Variants in MEI4 observed in about 807,000 individuals in gnomAD.
MEI4 encodes the protein meiosis-specific protein MEI4.
MEI4 carries 27 observed loss-of-function variants against 31.4 expected under a neutral mutation model. The observed-to-expected ratio is 0.86, with a 90% CI of 0.63 to 1.19. The LOEUF (loss-of-function observed/expected upper bound fraction) is 1.19, where lower values mean the gene tolerates loss of function less well. Among genes scored for constraint, MEI4 ranks in the 50% most tolerant of loss-of-function variants. The probability of loss-of-function intolerance (pLI) is 0.00; values close to 1 mark genes in which losing one functional copy is unlikely to be tolerated. For synonymous variants in MEI4, 122 were observed against 145.4 expected, an observed-to-expected ratio of 0.84 and a Z score of 1.16; for missense variants, 329 against 398.9, an observed-to-expected ratio of 0.82 and a Z score of 1.49.
At chr6:77,657,841 C>T (rs1008706888) in intron 1 of MEI4, among the ~76,000 whole-genome samples, 2 of 152,240 alleles carry the variant, frequency 1.3e-5, no homozygotes, top group African/African-American at 2.4e-5. Flanking sequence ...GCTTTTGCCT[C>T]TCTGAGTTCC....
chr6:77,880,216 G>A (rs1382976503), intron 4 of MEI4, among the ~76,000 whole-genome samples: 1 of 148,154 alleles, frequency 6.7e-6, no homozygotes, highest in African/African-American at 2.5e-5. Flanking sequence ...ATGTATTATT[G>A]TGGGGTTTTT....
At chr6:77,891,589 AT>A (rs1771769910) in intron 4 of MEI4, among the ~76,000 whole-genome samples, 1 of 151,538 alleles carries the variant, frequency 6.6e-6, no homozygotes, top group Non-Finnish European at 1.5e-5. Context: ...CAATATTATT[AT>A]TTTGAATTTT....
chr6:77,796,519 GACTGCAAAAT>G (rs1769080260), intron 3 of MEI4, among the ~76,000 whole-genome samples: 2 of 152,212 alleles, frequency 1.3e-5, no homozygotes, highest in East Asian at 3.9e-4. Flanking sequence ...TAAAGTTGCA[GACTGCAAAAT>G]AAACATTTAA....
chr6:77,705,284 T>A (rs1766307964), intron 2 of MEI4, among the ~76,000 whole-genome samples: 2 of 152,144 alleles, frequency 1.3e-5, no homozygotes, highest in South Asian at 4.2e-4. Context: ...GTAGAAAACC[T>A]TAAATTCTAA....
chr6:77,734,856 C>A (rs994414129), intron 2 of MEI4, among the ~76,000 whole-genome samples: 1 of 151,684 alleles, frequency 6.6e-6, no homozygotes, highest in Non-Finnish European at 1.5e-5. Flanking sequence ...TCAGCATTTG[C>A]TTGTCTGTAA....
intron 4 of MEI4, among the ~76,000 whole-genome samples, chr6:77,867,245 G>C (rs1771056934): frequency 6.6e-6 from 1 of 152,318 alleles, no homozygotes; most frequent in East Asian, 1.9e-4. Flanking sequence ...AAACTAAAGA[G>C]CTTCTGCATA....
intron 3 of MEI4, among the ~76,000 whole-genome samples, chr6:77,799,819 T>C (rs1769196049): frequency 6.6e-6 from 1 of 152,180 alleles, no homozygotes; most frequent in South Asian, 2.1e-4. Context: ...TGCAGTGTTA[T>C]TTCTGAGGGC....
chr6:77,685,128 C>G (rs547464544), intron 1 of MEI4, among the ~76,000 whole-genome samples: 4 of 152,254 alleles, frequency 2.6e-5, no homozygotes, highest in African/African-American at 9.6e-5. Context: ...TTTCATATGT[C>G]TGTTTGCCAT....
intron 1 of MEI4, among the ~76,000 whole-genome samples, chr6:77,687,857 G>C (rs565569732): frequency 1.3e-5 from 2 of 152,182 alleles, no homozygotes; most frequent in African/African-American, 4.8e-5. Flanking sequence ...GAATCCCATT[G>C]ATTGGGGGTT....
At chr6:77,865,664 G>C (rs139699267) in intron 4 of MEI4, among the ~76,000 whole-genome samples, 1 of 152,138 alleles carries the variant, frequency 6.6e-6, no homozygotes, top group Admixed American at 6.6e-5. Context: ...GGAGGAGCTG[G>C]TACCATTCCT....
chr6:77,736,798 C>T (rs1767250844), intron 2 of MEI4, among the ~76,000 whole-genome samples: 1 of 151,976 alleles, frequency 6.6e-6, no homozygotes, highest in Non-Finnish European at 1.5e-5. Flanking sequence ...CCCTGTAGTC[C>T]AGAGAAAGAT....
At chr6:77,677,313 G>T (rs1768862625) in intron 1 of MEI4, among the ~76,000 whole-genome samples, 1 of 152,000 alleles carries the variant, frequency 6.6e-6, no homozygotes, top group Non-Finnish European at 1.5e-5. Context: ...TTTCCCAATG[G>T]CCTACCACAG....
At chr6:77,789,158 G>T (rs1382860685) in intron 3 of MEI4, among the ~76,000 whole-genome samples, 1 of 152,152 alleles carries the variant, frequency 6.6e-6, no homozygotes, top group Non-Finnish European at 1.5e-5. Context: ...ATGGGGAAAG[G>T]ATTCCCTATT....
intron 1 of MEI4, among the ~76,000 whole-genome samples, chr6:77,679,397 TTA>T (rs1768909101): frequency 6.9e-6 from 1 of 145,692 alleles, no homozygotes; most frequent in Non-Finnish European, 1.5e-5. Flanking sequence ...ACACAAATAT[TTA>T]TGATTGTGTT....
chr6:77,710,538 A>G (rs1766438727), intron 2 of MEI4, among the ~76,000 whole-genome samples: 1 of 149,394 alleles, frequency 6.7e-6, no homozygotes, highest in African/African-American at 2.5e-5. Flanking sequence ...AAAAAAAAAA[A>G]AAAAGAAAAG....
chr6:77,792,461 A>G (rs1032010756), intron 3 of MEI4, among the ~76,000 whole-genome samples: 8 of 152,076 alleles, frequency 5.3e-5, no homozygotes, highest in African/African-American at 1.9e-4. Flanking sequence ...AATTCTTGCC[A>G]GTACTTGTTT....
chr6:77,716,265 T>G (rs71563056), intron 2 of MEI4, among the ~76,000 whole-genome samples: 14,030 of 152,244 alleles, frequency 0.092, 941 homozygotes, highest in East Asian at 0.31. Flanking sequence ...GAGAAGCATT[T>G]AAATTAAAAT....
intron 2 of MEI4, among the ~76,000 whole-genome samples, chr6:77,700,737 C>G (rs1451277865): frequency 2.0e-5 from 3 of 152,208 alleles, no homozygotes; most frequent in Non-Finnish European, 4.4e-5. Context: ...ATCTTGGCTC[C>G]ACCCTGATAT....
chr6:77,746,102 G>T (rs1265868153), intron 2 of MEI4, among the ~76,000 whole-genome samples: 2 of 152,060 alleles, frequency 1.3e-5, no homozygotes, highest in Non-Finnish European at 2.9e-5. Context: ...CTAGCAGAAG[G>T]CAAGGAATAA....
Sources: gnomAD v4.1 joint callset for allele counts (sites outside exome capture counted in the v4.1 genomes callset) on GRCh38, gnomAD v4.1.1 for gene constraint, MANE v1.5 for transcripts, NCBI Gene and HGNC (gene_info 2026-07-23, HGNC 2026-07-21) for gene names.